EFHC2: variants seen among roughly 807,000 people sequenced by gnomAD.
EFHC2 encodes the protein EF-hand domain-containing family member C2.
Under a neutral mutation model 52.7 loss-of-function variants are expected in EFHC2, and 18 were observed. That is an observed-to-expected ratio of 0.34 (90% CI 0.24 to 0.51). The LOEUF (loss-of-function observed/expected upper bound fraction) is 0.51. Ranked by LOEUF, EFHC2 falls within the 20% of genes least tolerant of loss-of-function variation. EFHC2 has a pLI of 0.97. For missense variants in EFHC2, 513 were observed against 562.5 expected, an observed-to-expected ratio of 0.91 and a Z score of 0.89; for synonymous variants, 203 against 204.1, an observed-to-expected ratio of 0.99 and a Z score of 0.04.
At chrX:44,194,143 A>C (rs1428628419) in intron 11 of EFHC2, among the ~76,000 whole-genome samples, 1 of 112,337 alleles carries the variant, frequency 8.9e-6, no homozygotes, top group Non-Finnish European at 1.9e-5. Flanking sequence ...CAGGAAATAA[A>C]TCAAAAAGGC....
intron 2 of EFHC2, among the ~76,000 whole-genome samples, chrX:44,283,376 G>A (rs758215733): frequency 1.1e-4 from 12 of 110,952 alleles, no homozygotes; most frequent in Middle Eastern, 4.6e-3. Flanking sequence ...TAGAGACGGG[G>A]TTTCACCGTG....
intron 2 of EFHC2, among the ~76,000 whole-genome samples, chrX:44,297,748 CGAT>C (rs1227847572): frequency 1.0e-5 from 1 of 100,260 alleles, no homozygotes; most frequent in Admixed American, 1.1e-4. Flanking sequence ...AAAAAAAAAC[CGAT>C]GATGATGATG....
In EFHC2 at chrX:44,213,809, C is replaced by A. The variant is rs191158693; in HGVS notation, c.1751+15840G>T. ...AGAGGGTATAATGAAGTATGTCTGA[C>A]CCCTGCCCCTCATCATGGCCTGAAC... On this transcript the variant is annotated intron_variant, in intron 11 of 14. Transcript: ENST00000420999. Among the ~76,000 whole-genome samples the A allele has an allele frequency of 3.7e-3, 412 of 111,898 alleles. 2 individuals carry two copies. The highest frequency in any genetic ancestry group is 0.024 in the Admixed American group (258 of 10,545).
rs757415280 is a variant in EFHC2 at position 44,312,605 on chromosome X, C to T, written c.194G>A (p.Gly65Glu). 8 of 1,205,260 alleles carry T rather than the reference C, an allele frequency of 6.6e-6. No homozygotes were observed. Among genetic ancestry groups the T allele is most frequent in the Non-Finnish European group, 9.0e-6 (8 of 893,475 alleles). The change falls in exon 2 of 15, where the codon GGA becomes GAA. Residue 65 changes from glycine (G) to glutamate (E), a missense_variant. Transcript: ENST00000420999. ...GGCTACCCATGATGGTACATCACTT[C>T]CATCTCCTTTAGGATATATGCTACA... The part of the protein sequence containing the change: ...PKCSIYPKGD[G>E]SDVPSWVAFD...
chrX:44,226,082 T>C (rs1223908235), intron 11 of EFHC2, among the ~76,000 whole-genome samples: 2 of 111,611 alleles, frequency 1.8e-5, no homozygotes, highest in East Asian at 2.8e-4. Context: ...GCTCAATACA[T>C]GGTGGCTTCT....
chrX:44,282,370 G>A (rs1284716212), intron 2 of EFHC2, among the ~76,000 whole-genome samples: 2 of 102,885 alleles, frequency 1.9e-5, no homozygotes, highest in East Asian at 6.3e-4. Flanking sequence ...TTGGGAGGCC[G>A]AGGCAGGTGG....
intron 2 of EFHC2, among the ~76,000 whole-genome samples, chrX:44,278,055 C>G (rs1307545724): frequency 8.9e-6 from 1 of 111,840 alleles, no homozygotes; most frequent in Non-Finnish European, 1.9e-5. Context: ...CTTGGCTATG[C>G]ATTGGGAACT....
chrX:44,309,427 T>C, intron 2 of EFHC2: 1 of 1,047,839 alleles, frequency 9.5e-7, no homozygotes, highest in Non-Finnish European at 1.3e-6. Flanking sequence ...TGAAATATTC[T>C]CCGTAAAGTC....
intron 7 of EFHC2, among the ~76,000 whole-genome samples, chrX:44,245,820 C>T (rs1293937934): frequency 9.0e-6 from 1 of 111,616 alleles, no homozygotes; most frequent in Non-Finnish European, 1.9e-5. Flanking sequence ...CTTTGTCTGC[C>T]ATTTTTTCTC....
rs1440259497 is a variant in EFHC2, at chrX:44,316,660, C to G, written c.43-3904G>C. Among the ~76,000 whole-genome samples, 12 of 110,271 alleles carry G rather than the reference C, an allele frequency of 1.1e-4. No individual in the cohort carries two copies. In the Admixed American group the frequency reaches 1.2e-3, roughly 11 times the overall value. ...ACTGGGGCCCAGGAGTTCAAGACCA[C>G]CCTGGGCAATAGAGTGAGATGTCAT... On this transcript the variant is annotated intron_variant, in intron 1 of 14. Transcript: ENST00000420999.
intron 11 of EFHC2, among the ~76,000 whole-genome samples, chrX:44,194,379 G>A (rs2036945908): frequency 9.0e-6 from 1 of 111,572 alleles, no homozygotes; most frequent in Non-Finnish European, 1.9e-5. Context: ...TTTGACAGTG[G>A]CTGGAATTTT....
intron 4 of EFHC2, among the ~76,000 whole-genome samples, chrX:44,253,451 C>A (rs970544665): frequency 9.0e-6 from 1 of 111,128 alleles, no homozygotes. Flanking sequence ...GGGCGTCCCC[C>A]ATTACTGAGG....
chrX:44,189,713 G>A (rs1412051224), intron 11 of EFHC2, among the ~76,000 whole-genome samples: 3 of 110,940 alleles, frequency 2.7e-5, no homozygotes, highest in Admixed American at 9.6e-5. Flanking sequence ...GCTGGGCCTC[G>A]GATGGACTCT....
At chrX:44,184,465 G>C (rs2036858217) in intron 11 of EFHC2, among the ~76,000 whole-genome samples, 1 of 111,619 alleles carries the variant, frequency 9.0e-6, no homozygotes, top group Non-Finnish European at 1.9e-5. Context: ...GCTCACACTT[G>C]TAATCCCAGC....
In EFHC2 at chrX:44,325,501, A is replaced by C. The variant is rs190593068; in HGVS notation, c.43-12745T>G. 6.3e-5 allele frequency among the ~76,000 whole-genome samples: 7 copies of C among 110,703 alleles called. No homozygotes were observed. The East Asian group carries it at 2.0e-3, about 31-fold the overall frequency. On this transcript the variant is annotated intron_variant, in intron 1 of 14. Transcript: ENST00000420999. The stretch of plus-strand genomic sequence containing the variant: ...GCTTCATATCAAATTCAAAGCTACA[A>C]TCAGCACCCCTTCCTCGTTGCTAAA...
chrX:44,323,371 T>C (rs2038033939), intron 1 of EFHC2, among the ~76,000 whole-genome samples: 1 of 112,320 alleles, frequency 8.9e-6, no homozygotes, highest in Admixed American at 9.5e-5. Context: ...GCCAACCCTA[T>C]GTATATAGAT....
At chrX:44,293,420 C>T (rs2037806689) in intron 2 of EFHC2, among the ~76,000 whole-genome samples, 1 of 111,085 alleles carries the variant, frequency 9.0e-6, no homozygotes, top group South Asian at 3.8e-4. Flanking sequence ...CTTTTTTTTA[C>T]AGTTAGCAAT....
chrX:44,259,452 T>C (rs1269964741), intron 4 of EFHC2, among the ~76,000 whole-genome samples: 3 of 111,439 alleles, frequency 2.7e-5, no homozygotes, highest in Admixed American at 9.5e-5. Context: ...AAGTAGATGA[T>C]GGGTTGATGG....
intron 2 of EFHC2, chrX:44,310,023 A>T (rs2037934903): frequency 3.2e-6 from 3 of 948,946 alleles, no homozygotes; most frequent in Non-Finnish European, 4.6e-6. Flanking sequence ...AATCTGAACT[A>T]TTTGGCTAAA....
Sources: gnomAD v4.1 joint callset for allele counts (sites outside exome capture counted in the v4.1 genomes callset) on GRCh38, gnomAD v4.1.1 for gene constraint, MANE v1.5 for transcripts, NCBI Gene and HGNC (gene_info 2026-07-23, HGNC 2026-07-21) for gene names.